GPI: variants seen among roughly 807,000 people sequenced by gnomAD.
GPI encodes glucose-6-phosphate isomerase, also known as D-hexose-6-phosphate anomerase.
Under a neutral mutation model 75.8 loss-of-function variants are expected in GPI, and 56 were observed. The ratio of observed to expected loss-of-function variants is 0.74; its 90% CI spans 0.60 to 0.92. The LOEUF (loss-of-function observed/expected upper bound fraction) is 0.92. Ranked by LOEUF, GPI falls within the 40% of genes least tolerant of loss-of-function variation. The pLI is 0.00. For missense variants in GPI, 638 were observed against 741.0 expected (o/e 0.86, Z 1.61); for synonymous variants, 288 against 285.4 (o/e 1.01, Z -0.09).
At chr19:34,376,907 A>G (rs1053519730) in intron 4 of GPI, among the ~76,000 whole-genome samples, 4 of 152,000 alleles carry the variant, frequency 2.6e-5, no homozygotes, top group African/African-American at 9.7e-5. Flanking sequence ...AAAATTAGCT[A>G]GGCATGCTGG....
intron 9 of GPI, among the ~76,000 whole-genome samples, chr19:34,387,122 A>G (rs765339181): frequency 2.0e-5 from 3 of 152,210 alleles, no homozygotes; most frequent in Non-Finnish European, 2.9e-5. Flanking sequence ...CTGTCAGTCA[A>G]GGTGTGAGGG....
rs1352663564 is a variant in GPI, at chr19:34,400,330, G to A, written c.*294G>A. The A allele has an allele frequency of 5.0e-6, 3 of 595,664 alleles. No homozygotes were observed. The highest frequency in any genetic ancestry group is 3.7e-5 in the African/African-American group (2 of 53,948). The allele number at this position is 595,664 out of a possible 1,614,324, so 36.9% of individuals were successfully genotyped here. A position where few individuals can be genotyped will look rare whatever the true frequency, so the allele number is the denominator to read the frequency against. ...GAAAAATAAAGATGCCACGGAGGAG[G>A]TTGTAGGCTCAGCCTCTGATTTTTT... On this transcript the variant is annotated 3_prime_UTR_variant, in exon 18 of 18. Transcript: ENST00000356487.
intron 1 of GPI, 85 bp downstream of exon 1, chr19:34,365,473 G>T: frequency 6.6e-7 from 1 of 1,507,648 alleles, no homozygotes; most frequent in Non-Finnish European, 8.9e-7. Context: ...CGGGGGCAGC[G>T]GTGCCCGGGG....
At chr19:34,360,615 T>C (rs901583407), upstream of GPI, among the ~76,000 whole-genome samples, 3 of 151,582 alleles carry the variant, frequency 2.0e-5, no homozygotes, top group African/African-American at 7.3e-5. Flanking sequence ...AAGACATAAC[T>C]GGGATGATGA....
upstream of GPI, among the ~76,000 whole-genome samples, chr19:34,363,552 T>C (rs2074315009): frequency 6.6e-6 from 1 of 152,122 alleles, no homozygotes. Flanking sequence ...CCAGGCGCAG[T>C]GGCTCATGCC....
At chr19:34,365,041 C>T (rs1342716648), upstream of GPI, 2 of 1,509,112 alleles carry the variant, frequency 1.3e-6, no homozygotes, top group East Asian at 2.6e-5. Context: ...GGAGCTGAGG[C>T]CCCAGATCAG....
chr19:34,384,776 C>T (rs1384396172), intron 9 of GPI, among the ~76,000 whole-genome samples: 1 of 152,146 alleles, frequency 6.6e-6, no homozygotes. Context: ...GGCACAGTGG[C>T]TCACACCTAT....
chr19:34,368,334 GGGGCCTGTCCTAGGCATATAT>G (rs2145324989), intron 3 of GPI, among the ~76,000 whole-genome samples: 1 of 152,252 alleles, frequency 6.6e-6, no homozygotes, highest in East Asian at 1.9e-4. Context: ...GCAGGCCTTC[GGGGCCTGTCCTAGGCATATAT>G]GGGTCCCCTC....
intron 4 of GPI, among the ~76,000 whole-genome samples, chr19:34,374,800 G>T (rs1204604406): frequency 6.8e-6 from 1 of 146,550 alleles, no homozygotes; most frequent in Non-Finnish European, 1.5e-5. Context: ...TGCAGTCACT[G>T]CTCACTGCAG....
intron 9 of GPI, among the ~76,000 whole-genome samples, chr19:34,390,881 C>T (rs4545937): frequency 0.7 from 95,930 of 136,294 alleles, 34,994 homozygotes; most frequent in Non-Finnish European, 0.83. Context: ...TGGGTCTTCC[C>T]GTGTCTGAGG....
In GPI at chr19:34,400,010, C is replaced by G. The variant is rs756607824; in HGVS notation, c.1651C>G (p.Gln551Glu). 6.2e-7 allele frequency: 1 copy of G among 1,613,342 alleles called. No individual in the cohort carries two copies. The highest frequency in any genetic ancestry group is 8.5e-7 in the Non-Finnish European group (1 of 1,179,998). The change falls in exon 18 of 18, where the codon CAG becomes GAG. Residue 551 changes from glutamine to glutamate, a missense_variant. Coordinates refer to ENST00000356487, the MANE Select transcript of GPI (RefSeq NM_000175.5). ...CAATGGGCTCATCAACTTCATCAAG[C>G]AGCAGCGCGAGGCCAGAGTCCAATA... ...STNGLINFIK[Q>E]QREARVQ
At position 34,393,419 on chromosome 19, in the gene GPI, C is replaced by A; in HGVS notation, c.865+111C>A. The A allele has an allele frequency of 1.1e-6, 1 of 899,320 alleles. No individual in the cohort carries two copies. Among genetic ancestry groups the A allele is most frequent in the African/African-American group, 1.6e-5 (1 of 60,970 alleles). 55.7% of individuals were successfully genotyped at this position (899,320 alleles called of 1,614,324 possible). A position where few individuals can be genotyped will look rare whatever the true frequency, so the allele number is the denominator to read the frequency against. ...TCATGCTGTCCTCACAGGCTGCTGGCCTCTCTGCAGCTGGCTGGGATATTT... is the reference window on the plus strand; with the variant it reads ...TCATGCTGTCCTCACAGGCTGCTGGACTCTCTGCAGCTGGCTGGGATATTT... On this transcript the variant is annotated intron_variant, in intron 10 of 17. Transcript: ENST00000356487. This position sits in a 1 kb window ranked among gnomAD's most constrained non-coding sequence, Gnocchi z 4.4.
chr19:34,360,170 G>A (rs61709063), upstream of GPI, among the ~76,000 whole-genome samples: 567 of 152,166 alleles, frequency 3.7e-3, 3 homozygotes, highest in African/African-American at 0.013. Flanking sequence ...CTGGCCTGGG[G>A]GCATGACCCC....
rs768067744 is a variant in GPI, at chr19:34,381,495, T to A, written c.780T>A (p.Pro260=). The A allele has an allele frequency of 1.6e-5, 25 of 1,607,630 alleles. No individual in the cohort carries two copies. Among genetic ancestry groups the A allele is most frequent in the Non-Finnish European group, 2.1e-5 (25 of 1,174,414 alleles). Residue 260 remains proline (P), a synonymous_variant, in exon 9 of 18, where the codon CCT becomes CCA. Coordinates refer to ENST00000356487, the MANE Select transcript of GPI (RefSeq NM_000175.5). ...AAGTGAAGGAGTTTGGAATTGACCC[T>A]CAAAACATGTTCGAGTTCTGGGATG... ...TTKVKEFGID[P]QNMFEFWDWV... is the part of the protein sequence containing the mutation.
At position 34,400,087 on chromosome 19, in the gene GPI, C is replaced by T; in HGVS notation, c.*51C>T. 3.8e-6 allele frequency: 6 copies of T among 1,588,980 alleles called. No individual in the cohort carries two copies. The highest frequency in any genetic ancestry group is 5.1e-6 in the Non-Finnish European group (6 of 1,168,932). On this transcript the variant is annotated 3_prime_UTR_variant, in exon 18 of 18. Transcript: ENST00000356487. ...TGTGACTCCCCTTTCTCTTCTCGTCCCTCCTCCCCGGAGCCGGCACTGCAT... is the reference window on the plus strand; with the variant it reads ...TGTGACTCCCCTTTCTCTTCTCGTCTCTCCTCCCCGGAGCCGGCACTGCAT...
In GPI at chr19:34,402,364, G is replaced by C. The variant is rs745808166; in HGVS notation, c.*2328G>C. On this transcript the variant is annotated 3_prime_UTR_variant, in exon 18 of 18. Coordinates refer to ENST00000356487, the MANE Select transcript of GPI (RefSeq NM_000175.5). ...AGGGCACTTGCTTGAGCCTCATCCC[G>C]CTTTCTGGAATGTACTTTTGCTTCA... 6.6e-6 allele frequency: 1 copy of C among 152,140 alleles called. No homozygotes were observed. Among genetic ancestry groups the C allele is most frequent in the Non-Finnish European group, 1.5e-5 (1 of 68,038 alleles). 9.4% of individuals were successfully genotyped at this position (152,140 alleles called of 1,614,324 possible). A position where few individuals can be genotyped will look rare whatever the true frequency, so the allele number is the denominator to read the frequency against.
Position 34,378,959 on chromosome 19 carries a change from C to A in GPI, c.659C>A (p.Thr220Lys), listed in dbSNP as rs140842009. ...SKTFTTQETI[T>K]NAETAKEWFL... ...ACCTTTACTACCCAGGAGACCATCA[C>A]GAATGCAGAGACGGCGAAGGAGTGG... is the stretch of plus-strand genomic sequence containing the variant. Residue 220 changes from threonine to lysine, a missense_variant, in exon 7 of 18, where the codon ACG becomes AAG. Transcript: ENST00000356487. 1 of 1,614,216 alleles carries A rather than the reference C, an allele frequency of 6.2e-7. No homozygotes were observed. The highest frequency in any genetic ancestry group is 2.2e-5 in the East Asian group (1 of 44,878).
upstream of GPI, chr19:34,364,854 A>G (rs2074329335): frequency 1.2e-6 from 1 of 854,588 alleles, no homozygotes; most frequent in Non-Finnish European, 1.8e-6. Context: ...CGATCTATAG[A>G]GTTTTGTCGA....
chr19:34,392,207 C>CATGT (rs2074861278), intron 9 of GPI: 6 of 11,392 alleles, frequency 5.3e-4, no homozygotes, highest in Admixed American at 8.4e-4. Context: ...GATCTGGCCC[C>CATGT]CTTATGAGGA....
Sources: gnomAD v4.1 joint callset for allele counts (sites outside exome capture counted in the v4.1 genomes callset) on GRCh38, gnomAD v4.1.1 for gene constraint, Gnocchi (gnomAD v3.1) non-coding constraint, MANE v1.5 for transcripts, NCBI Gene and HGNC (gene_info 2026-07-23, HGNC 2026-07-21) for gene names.